The following ERP27 variants were observed in gnomAD, a reference collection of about 807,000 sequenced individuals.
ERP27 encodes the protein endoplasmic reticulum protein 27.
Under a neutral mutation model 27.7 loss-of-function variants are expected in ERP27, and 23 were observed. The ratio of observed to expected loss-of-function variants is 0.83; its 90% CI spans 0.60 to 1.18. The LOEUF (loss-of-function observed/expected upper bound fraction) is 1.18, where lower values mean the gene tolerates loss of function less well. Among genes scored for constraint, ERP27 ranks in the 50% most tolerant of loss-of-function variants. ERP27 has a pLI of 0.00. For synonymous variants in ERP27, 159 were observed against 118.3 expected (o/e 1.34, Z -2.23); for missense variants, 363 against 327.9 (o/e 1.11, Z -0.83).
At chr12:14,935,543 A>G (rs1260935223) in intron 2 of ERP27, among the ~76,000 whole-genome samples, 1 of 152,214 alleles carries the variant, frequency 6.6e-6, no homozygotes, top group Non-Finnish European at 1.5e-5. Context: ...ACAACTAACT[A>G]TGTAGTGCTA....
chr12:14,932,222 G>T (rs373402010), intron 3 of ERP27, among the ~76,000 whole-genome samples: 2 of 152,120 alleles, frequency 1.3e-5, no homozygotes, highest in Admixed American at 1.3e-4. Flanking sequence ...AGACAGATAC[G>T]TAAATATATG....
chr12:14,923,395 TA>T (rs1424481425), intron 3 of ERP27, among the ~76,000 whole-genome samples: 6 of 151,380 alleles, frequency 4.0e-5, no homozygotes, highest in African/African-American at 1.5e-4. Context: ...TATATTCATA[TA>T]TATAATATTT....
rs546350979 is a variant in ERP27 at position 14,934,192 on chromosome 12, G to T, written c.333+664C>A. Among the ~76,000 whole-genome samples the T allele has an allele frequency of 5.2e-4, 79 of 152,236 alleles. 1 individual carries two copies. The highest frequency in any genetic ancestry group is 1.8e-3 in the African/African-American group (75 of 41,550). On this transcript the variant is annotated intron_variant, in intron 3 of 6. Coordinates refer to ENST00000266397, the MANE Select transcript of ERP27 (RefSeq NM_152321.4). ...TCCTGAGTTTTTTCCCGTTGGCCAT[G>T]AATTCTTTAGCTTGTCTAAACTTAT...
intron 3 of ERP27, among the ~76,000 whole-genome samples, chr12:14,925,313 G>T (rs937378558): frequency 6.6e-6 from 1 of 152,142 alleles, no homozygotes; most frequent in Non-Finnish European, 1.5e-5. Context: ...AAGTGATGGG[G>T]TTCAGTTATA....
intron 3 of ERP27, among the ~76,000 whole-genome samples, chr12:14,932,111 C>A (rs1473302633): frequency 6.6e-6 from 1 of 152,182 alleles, no homozygotes; most frequent in South Asian, 2.1e-4. Flanking sequence ...CTCCGAGTGC[C>A]TTTAAGGTGC....
At chr12:14,920,730 T>C (rs10772818) in intron 4 of ERP27, among the ~76,000 whole-genome samples, 97,417 of 152,102 alleles carry the variant, frequency 0.64, 31,414 homozygotes, top group East Asian at 0.86. Flanking sequence ...AGTGTGATAG[T>C]TCATTTAACT....
In ERP27 at chr12:14,921,016, T is replaced by C; in HGVS notation, c.366A>G (p.Glu122=). The C allele has an allele frequency of 1.2e-6, 2 of 1,614,124 alleles. No homozygotes were observed. Among genetic ancestry groups the C allele is most frequent in the Non-Finnish European group, 1.7e-6 (2 of 1,179,972 alleles). Residue 122 remains glutamate (E), a synonymous_variant, in exon 4 of 7, where the codon GAA becomes GAG. Coordinates refer to ENST00000266397, the MANE Select transcript of ERP27 (RefSeq NM_152321.4). ...TGGTGGCATCAATGCTTTCAATGTC[T>C]TCGTCCTCTAAATTCAGTTGTTCAT... is the stretch of plus-strand genomic sequence containing the variant. ...VDNEQLNLED[E]DIESIDATKL...
intron 2 of ERP27, 58 bp from the exon 3 acceptor site, chr12:14,935,051 G>A (rs1334826290): frequency 1.0e-5 from 16 of 1,571,442 alleles, no homozygotes; most frequent in East Asian, 2.3e-5. Context: ...AGAGACAAAC[G>A]ATAGGCAAAA....
intron 4 of ERP27, among the ~76,000 whole-genome samples, chr12:14,919,484 G>A (rs1449828853): frequency 6.6e-6 from 1 of 152,110 alleles, no homozygotes; most frequent in Non-Finnish European, 1.5e-5. Context: ...ACACCTTTTT[G>A]ATTATTACTG....
At chr12:14,927,919 G>T (rs1462680961) in intron 3 of ERP27, among the ~76,000 whole-genome samples, 2 of 152,112 alleles carry the variant, frequency 1.3e-5, no homozygotes, top group African/African-American at 4.8e-5. Context: ...TGAAAGATAG[G>T]ACTTCATTCT....
At chr12:14,917,083 G>A (rs1221902186) in intron 5 of ERP27, 95 bp downstream of exon 5, 3 of 1,459,606 alleles carry the variant, frequency 2.1e-6, no homozygotes, top group Non-Finnish European at 2.8e-6. Context: ...AACCATAGTT[G>A]TTTTCCTTAT....
At chr12:14,915,115 T>C (rs931054033) in intron 6 of ERP27, among the ~76,000 whole-genome samples, 3 of 152,228 alleles carry the variant, frequency 2.0e-5, no homozygotes, top group African/African-American at 4.8e-5. Flanking sequence ...CTTTTATCTT[T>C]GTTTTTAATT....
chr12:14,930,787 T>C (rs1385424622), intron 3 of ERP27, among the ~76,000 whole-genome samples: 1 of 152,266 alleles, frequency 6.6e-6, no homozygotes, highest in Non-Finnish European at 1.5e-5. Context: ...TGTTATTTTT[T>C]CAGTTAATCA....
chr12:14,919,651 C>G (rs1014409053), intron 4 of ERP27, among the ~76,000 whole-genome samples: 1 of 152,084 alleles, frequency 6.6e-6, no homozygotes, highest in Non-Finnish European at 1.5e-5. Context: ...CAATAGACAA[C>G]CACAGGATTC....
chr12:14,933,179 T>C (rs942301308), intron 3 of ERP27, among the ~76,000 whole-genome samples: 1 of 152,202 alleles, frequency 6.6e-6, no homozygotes, highest in Admixed American at 6.5e-5. Flanking sequence ...GCTCTGTGGA[T>C]ACACTGAACA....
rs199555914 is a variant in ERP27 at position 14,917,283 on chromosome 12, G to T, written c.471C>A (p.Asn157Lys). 2.5e-6 allele frequency: 4 copies of T among 1,614,152 alleles called. No individual in the cohort carries two copies. Among genetic ancestry groups the T allele is most frequent in the East Asian group, 4.5e-5 (2 of 44,874 alleles). The change falls in exon 5 of 7, where the codon AAC becomes AAA. Residue 157 changes from asparagine to lysine, a missense_variant. By Grantham distance (94) the Asn-to-Lys change is moderately conservative. Coordinates refer to ENST00000266397, the MANE Select transcript of ERP27 (RefSeq NM_152321.4). Reference sequence around the variant, plus strand: ...GGAGGAGATGAATCTGAATTACGCTGTTGAATAACCCAATCACAGTCTGGC... The same window carrying T: ...GGAGGAGATGAATCTGAATTACGCTTTTGAATAACCCAATCACAGTCTGGC... Reference protein sequence around the residue: ...YNPVTVIGLFNSVIQIHLLLI... With the variant: ...YNPVTVIGLFKSVIQIHLLLI...
chr12:14,923,007 G>C (rs1285679233), intron 3 of ERP27, among the ~76,000 whole-genome samples: 1 of 151,708 alleles, frequency 6.6e-6, no homozygotes, highest in East Asian at 1.9e-4. Flanking sequence ...AGGTGGAGGG[G>C]AGGTTGCAGT....
chr12:14,917,342 G>A, intron 4 of ERP27, 39 bp from the exon 5 acceptor site: 2 of 1,613,740 alleles, frequency 1.2e-6, no homozygotes, highest in Non-Finnish European at 8.5e-7. Context: ...GTGAAAGCGA[G>A]AAAGAATGCA....
intron 3 of ERP27, chr12:14,929,137 A>AT: frequency 6.9e-7 from 1 of 1,451,774 alleles, no homozygotes; most frequent in East Asian, 2.5e-5. Flanking sequence ...TGGATCAAGA[A>AT]TCCCCCCCTC....
Sources: allele counts gnomAD v4.1 joint callset (sites outside exome capture counted in the v4.1 genomes callset), GRCh38; gene constraint gnomAD v4.1.1; transcripts MANE v1.5; gene names NCBI Gene and HGNC (gene_info 2026-07-23, HGNC 2026-07-21).